DSG2: variants seen among roughly 807,000 people sequenced by gnomAD.
The protein encoded by DSG2 is desmoglein 2, also known as desmoglein-2.
A neutral mutation model predicts 75.6 loss-of-function variants in DSG2; 45 were observed. The ratio of observed to expected loss-of-function variants is 0.60; its 90% confidence interval spans 0.47 to 0.76. The LOEUF is 0.76. DSG2 is among the 30% of genes least tolerant of loss of function. The probability of loss-of-function intolerance (pLI) is 0.00; values close to 1 mark genes in which losing one functional copy is unlikely to be tolerated. For missense variants in DSG2, 1,267 were observed against 1,357.4 expected (o/e 0.93, Z 1.05); for synonymous variants, 429 against 483.9 (o/e 0.89, Z 1.49).
intron 1 of DSG2, among the ~76,000 whole-genome samples, chr18:31,507,455 G>T (rs2073044847): frequency 6.6e-6 from 1 of 152,200 alleles, no homozygotes; most frequent in Admixed American, 6.5e-5. Context: ...TAATGGGATT[G>T]CTGAGTCAAA....
chr18:31,546,829 TACAGACAC>T lies in DSG2; in HGVS notation c.*92_*99del, dbSNP rs2144362369. ...AATGTACCTGATTTTTCATGAGCCT[TACAGACAC>T]ACAGAGACACATACACATTGATCTT... On this transcript the variant is annotated 3_prime_UTR_variant, in exon 15 of 15. Transcript: ENST00000261590. The T allele has an allele frequency of 1.4e-6, 2 of 1,435,532 alleles. No individual in the cohort carries two copies. The highest frequency in any genetic ancestry group is 1.4e-5 in the African/African-American group (1 of 70,864). 88.9% of individuals were successfully genotyped at this position (1,435,532 alleles called of 1,614,324 possible).
intron 6 of DSG2, among the ~76,000 whole-genome samples, chr18:31,523,617 A>G (rs1394968243): frequency 6.6e-6 from 1 of 152,212 alleles, no homozygotes; most frequent in African/African-American, 2.4e-5. Context: ...AGTTTAGCCA[A>G]TAATAATGGC....
At chr18:31,509,432 C>T (rs1370488511) in intron 1 of DSG2, among the ~76,000 whole-genome samples, 4 of 151,084 alleles carry the variant, frequency 2.6e-5, no homozygotes, top group African/African-American at 9.7e-5. Flanking sequence ...AAATATTGCT[C>T]TTTTTTTTTA....
intron 1 of DSG2, among the ~76,000 whole-genome samples, chr18:31,505,717 A>G (rs979320469): frequency 1.4e-5 from 2 of 141,760 alleles, no homozygotes; most frequent in Non-Finnish European, 1.5e-5. Context: ...GCTGGAGTGC[A>G]GTGGTGCAGT....
chr18:31,525,374 C>T (rs1406995764), intron 8 of DSG2, among the ~76,000 whole-genome samples: 2 of 152,034 alleles, frequency 1.3e-5, no homozygotes, highest in Non-Finnish European at 2.9e-5. Context: ...CAAAAATTAG[C>T]TGGGCATGGC....
chr18:31,524,593 T>C lies in DSG2; in HGVS notation c.828+8T>C. ...GTAGTAGAAAATAAAGTGGTAACTA[T>C]TATTCTTCTAATAACTGTACCTATT... On this transcript the variant is annotated splice_region_variant and intron_variant, in intron 7 of 14. Coordinates refer to ENST00000261590, the MANE Select transcript of DSG2 (RefSeq NM_001943.5). 1 of 1,612,836 alleles carries C rather than the reference T, an allele frequency of 6.2e-7. No homozygotes were observed.
chr18:31,500,872 T>C (rs1186815820), intron 1 of DSG2, among the ~76,000 whole-genome samples: 1 of 152,212 alleles, frequency 6.6e-6, no homozygotes, highest in Non-Finnish European at 1.5e-5. Flanking sequence ...TTCCTAGAGA[T>C]GGCAAGGAAT....
rs747477468 is a variant in DSG2, at chr18:31,542,863, G to A, written c.2334+11G>A. 1.4e-6 allele frequency: 1 copy of A among 733,366 alleles called. No homozygotes were observed. The highest frequency in any genetic ancestry group is 1.9e-6 in the Non-Finnish European group (1 of 518,484). The allele number at this position is 733,366 out of a possible 1,614,324, so 45.4% of individuals were successfully genotyped here. A position where few individuals can be genotyped will look rare whatever the true frequency, so the allele number is the denominator to read the frequency against. ...AATTATTTCACTGATGTAAGGATGA[G>A]TTTTATGTATTGGTGGTGGGGGGTG... is the stretch of plus-strand genomic sequence containing the variant. On this transcript the variant is annotated intron_variant, in intron 14 of 14. Transcript: ENST00000261590.
intron 14 of DSG2, among the ~76,000 whole-genome samples, chr18:31,545,090 A>G (rs1412405867): frequency 2.0e-5 from 3 of 152,112 alleles, no homozygotes; most frequent in Admixed American, 6.5e-5. Flanking sequence ...GCTAAGCTCA[A>G]TTCTAGCGTC....
At chr18:31,527,673 A>T (rs899204593) in intron 8 of DSG2, among the ~76,000 whole-genome samples, 1 of 152,252 alleles carries the variant, frequency 6.6e-6, no homozygotes, top group Non-Finnish European at 1.5e-5. Flanking sequence ...AAATCAAATT[A>T]AAACTATAAG....
At position 31,548,287 on chromosome 18, in the gene DSG2, G is replaced by C. The variant is rs2073329144; in HGVS notation, c.*1544G>C. ...GTTTCAAAATATATGTGCATTATCA[G>C]TAATAATTTGTATAAATATTTCCCA... is the stretch of plus-strand genomic sequence containing the variant. On this transcript the variant is annotated 3_prime_UTR_variant, in exon 15 of 15. Coordinates refer to ENST00000261590, the MANE Select transcript of DSG2 (RefSeq NM_001943.5). 6.6e-6 allele frequency: 1 copy of C among 152,054 alleles called. No homozygotes were observed. 9.4% of individuals were successfully genotyped at this position (152,054 alleles called of 1,614,324 possible). A position where few individuals can be genotyped will look rare whatever the true frequency, so the allele number is the denominator to read the frequency against.
At chr18:31,503,934 AT>A (rs2073026540) in intron 1 of DSG2, among the ~76,000 whole-genome samples, 1 of 152,144 alleles carries the variant, frequency 6.6e-6, no homozygotes, top group South Asian at 2.1e-4. Flanking sequence ...CGTGTGAAGA[AT>A]TTTTCTATCC....
intron 11 of DSG2, among the ~76,000 whole-genome samples, chr18:31,538,042 A>G (rs2144345215): frequency 6.6e-6 from 1 of 152,236 alleles, no homozygotes; most frequent in South Asian, 2.1e-4. Context: ...ATGTTCCTTG[A>G]TCTTAGAAGG....
At chr18:31,541,650 C>T (rs2144351454) in intron 13 of DSG2, among the ~76,000 whole-genome samples, 1 of 152,254 alleles carries the variant, frequency 6.6e-6, no homozygotes, top group Middle Eastern at 3.4e-3. Context: ...CCATTTCCCT[C>T]AATACATAGG....
chr18:31,515,418 T>A (rs1460939418), intron 1 of DSG2, among the ~76,000 whole-genome samples: 1 of 152,144 alleles, frequency 6.6e-6, no homozygotes, highest in Non-Finnish European at 1.5e-5. Flanking sequence ...ATATACTAAA[T>A]TTTAAGGCTG....
intron 14 of DSG2, among the ~76,000 whole-genome samples, chr18:31,544,064 A>T (rs1251465251): frequency 6.6e-6 from 1 of 152,188 alleles, no homozygotes. Context: ...GAAACAGACA[A>T]ATTCATAATG....
intron 1 of DSG2, among the ~76,000 whole-genome samples, chr18:31,513,705 C>A (rs1449783713): frequency 1.3e-5 from 2 of 152,120 alleles, no homozygotes; most frequent in Non-Finnish European, 2.9e-5. Context: ...TTCCCTCTGC[C>A]CTGAGGATGG....
chr18:31,517,638 G>C (rs1007243575), intron 1 of DSG2, among the ~76,000 whole-genome samples: 1 of 151,944 alleles, frequency 6.6e-6, no homozygotes, highest in Non-Finnish European at 1.5e-5. Flanking sequence ...GAGTTTTTTG[G>C]GCAAATTTAA....
At chr18:31,545,580 T>A in intron 14 of DSG2, 141 bp from the exon 15 acceptor site, 3 of 1,022,310 alleles carry the variant, frequency 2.9e-6, no homozygotes, top group South Asian at 2.9e-5. Flanking sequence ...TCTCTCTCAA[T>A]TTGTGTTTCC....
Sources: allele counts gnomAD v4.1 joint callset (sites outside exome capture counted in the v4.1 genomes callset), GRCh38; gene constraint gnomAD v4.1.1; transcripts MANE v1.5; gene names NCBI Gene and HGNC (gene_info 2026-07-23, HGNC 2026-07-21).